DOCK3: variants seen among roughly 807,000 people sequenced by gnomAD.
The protein encoded by DOCK3 is dedicator of cytokinesis 3.
DOCK3 carries 60 observed loss-of-function variants against 265.6 expected under a neutral mutation model. The ratio of observed to expected loss-of-function variants is 0.23; its 90% CI spans 0.18 to 0.28. The LOEUF (loss-of-function observed/expected upper bound fraction) is 0.28. DOCK3 is among the 10% of genes least tolerant of loss of function. The pLI is 1.00. For missense variants in DOCK3, 1,981 were observed against 2,594.3 expected (o/e 0.76, Z 5.14); for synonymous variants, 881 against 938.0 (o/e 0.94, Z 1.11).
At chr3:51,353,414 C>T (rs2086138533) in intron 40 of DOCK3, among the ~76,000 whole-genome samples, 1 of 152,148 alleles carries the variant, frequency 6.6e-6, no homozygotes, top group Admixed American at 6.5e-5. Context: ...GAGCTCGAGA[C>T]CAGCCTGGCC....
At chr3:50,961,925 T>G (rs2076899186) in intron 5 of DOCK3, among the ~76,000 whole-genome samples, 1 of 152,162 alleles carries the variant, frequency 6.6e-6, no homozygotes, top group Admixed American at 6.5e-5. Context: ...TGGGGAAAAA[T>G]TCATGCATAA....
At chr3:51,141,192 CTT>C (rs59473694) in intron 9 of DOCK3, among the ~76,000 whole-genome samples, 7,106 of 144,098 alleles carry the variant, frequency 0.049, 561 homozygotes, top group African/African-American at 0.16. Context: ...TATTTTCTTT[CTT>C]TTTTTTTTTT....
At chr3:51,341,902 A>G (rs1453142861) in intron 38 of DOCK3, among the ~76,000 whole-genome samples, 2 of 152,144 alleles carry the variant, frequency 1.3e-5, no homozygotes, top group African/African-American at 2.4e-5. Flanking sequence ...ACTACTTTCT[A>G]TGGGATTGGC....
chr3:51,315,223 A>T (rs2083300733), intron 32 of DOCK3, 95 bp downstream of exon 32: 2 of 1,414,398 alleles, frequency 1.4e-6, no homozygotes, highest in Admixed American at 5.1e-5. Flanking sequence ...TCTAGTGGGG[A>T]TGGGCTGTAG....
At chr3:50,782,289 A>ATTTTT (rs71084112) in intron 2 of DOCK3, among the ~76,000 whole-genome samples, 7,882 of 109,784 alleles carry the variant, frequency 0.072, 769 homozygotes, top group Non-Finnish European at 0.089. Flanking sequence ...AGTACCTGTT[A>ATTTTT]TTTTTTTTTT....
At chr3:50,995,991 A>G (rs976333846) in intron 5 of DOCK3, among the ~76,000 whole-genome samples, 41 of 150,628 alleles carry the variant, frequency 2.7e-4, no homozygotes, top group African/African-American at 1.0e-3. Flanking sequence ...CCACCTCCCC[A>G]GTTCAAACAA....
At position 51,359,075 on chromosome 3, in the gene DOCK3, G is replaced by A. The variant is rs2086558330; in HGVS notation, c.4884+998G>A. On this transcript the variant is annotated intron_variant, in intron 46 of 52. Coordinates refer to ENST00000266037, the MANE Select transcript of DOCK3 (RefSeq NM_004947.5). The surrounding 1 kb of genome is among the most constrained non-coding windows in gnomAD (Gnocchi z 4.8). ...AGAAGTGGCAGGGAGACAAGAAGTAGAGCTGTTCAATGCTGCACGAGGTTG... is the reference window on the plus strand; with the variant it reads ...AGAAGTGGCAGGGAGACAAGAAGTAAAGCTGTTCAATGCTGCACGAGGTTG... 6.6e-6 allele frequency among the ~76,000 whole-genome samples: 1 copy of A among 152,236 alleles called. No homozygotes were observed. The highest frequency in any genetic ancestry group is 6.5e-5 in the Admixed American group (1 of 15,286).
At chr3:51,278,731 C>T (rs1417598747) in intron 26 of DOCK3, among the ~76,000 whole-genome samples, 1 of 152,076 alleles carries the variant, frequency 6.6e-6, no homozygotes, top group Non-Finnish European at 1.5e-5. Context: ...CCAATATTAG[C>T]TCATTTAGCA....
chr3:50,830,416 C>G (rs1465839899), intron 2 of DOCK3, among the ~76,000 whole-genome samples: 1 of 152,104 alleles, frequency 6.6e-6, no homozygotes, highest in Non-Finnish European at 1.5e-5. Flanking sequence ...AGCTATTAGC[C>G]AGGTATTGGG....
intron 3 of DOCK3, among the ~76,000 whole-genome samples, chr3:50,870,984 A>G (rs896393215): frequency 2.6e-5 from 4 of 151,990 alleles, no homozygotes; most frequent in Non-Finnish European, 4.4e-5. Context: ...TGTAGTTATT[A>G]TTTTTTGTGG....
intron 2 of DOCK3, chr3:50,787,696 A>G: frequency 7.8e-7 from 1 of 1,288,958 alleles, no homozygotes; most frequent in Non-Finnish European, 1.1e-6. Flanking sequence ...AGCTGCAGCA[A>G]CAGAGGCAGC....
chr3:50,893,533 G>A (rs531267188), intron 4 of DOCK3, among the ~76,000 whole-genome samples: 1 of 152,116 alleles, frequency 6.6e-6, no homozygotes, highest in East Asian at 1.9e-4. Context: ...AGAGGAGCGA[G>A]TCAACTTGAA....
intron 4 of DOCK3, among the ~76,000 whole-genome samples, chr3:50,925,656 G>T (rs2050716713): frequency 6.6e-6 from 1 of 152,032 alleles, no homozygotes; most frequent in South Asian, 2.1e-4. Flanking sequence ...CAGAAGGTTG[G>T]GGTTTTATTA....
intron 5 of DOCK3, among the ~76,000 whole-genome samples, chr3:51,038,872 G>GT (rs545959600): frequency 6.7e-4 from 97 of 145,468 alleles, no homozygotes; most frequent in South Asian, 1.3e-3. Context: ...ATGTATTCTA[G>GT]TTTTTTTTTT....
chr3:50,880,965 G>A (rs1372015568), intron 3 of DOCK3, among the ~76,000 whole-genome samples: 1 of 152,156 alleles, frequency 6.6e-6, no homozygotes, highest in Non-Finnish European at 1.5e-5. Context: ...ATGCAAGGCT[G>A]GTTCAACATA....
intron 5 of DOCK3, among the ~76,000 whole-genome samples, chr3:51,025,925 C>T (rs1301810835): frequency 1.3e-5 from 2 of 152,188 alleles, no homozygotes; most frequent in Admixed American, 1.3e-4. Flanking sequence ...AGACTCTCCC[C>T]TTCTCACACT....
At chr3:50,760,039 T>C (rs1442282157) in intron 1 of DOCK3, among the ~76,000 whole-genome samples, 4 of 151,980 alleles carry the variant, frequency 2.6e-5, no homozygotes, top group East Asian at 1.9e-4. Flanking sequence ...TTTTTTTTTT[T>C]CCTGTACTTT....
intron 7 of DOCK3, among the ~76,000 whole-genome samples, chr3:51,086,160 T>C (rs10212257): frequency 0.9 from 134,526 of 149,810 alleles, 60,563 homozygotes; most frequent in African/African-American, 0.95. Flanking sequence ...GTATTCCTTA[T>C]GGGAAACAAA....
intron 5 of DOCK3, among the ~76,000 whole-genome samples, chr3:51,005,889 A>G (rs1252232523): frequency 6.6e-6 from 1 of 152,190 alleles, no homozygotes. Flanking sequence ...TCCAATGGCT[A>G]TCATCTAACC....
Sources: allele counts gnomAD v4.1 joint callset (sites outside exome capture counted in the v4.1 genomes callset), GRCh38; gene constraint gnomAD v4.1.1; non-coding constraint Gnocchi (gnomAD v3.1); transcripts MANE v1.5; gene names NCBI Gene and HGNC (gene_info 2026-07-23, HGNC 2026-07-21).